SYNJ2: variants seen among roughly 807,000 people sequenced by gnomAD.
SYNJ2 encodes the protein synaptojanin 2, also known as polyphosphatidylinositol phosphatase SYNJ2.
Under a neutral mutation model 141.3 loss-of-function variants are expected in SYNJ2, and 116 were observed. The ratio of observed to expected loss-of-function variants is 0.82; its 90% confidence interval spans 0.71 to 0.96. The LOEUF is 0.96. Among genes scored for constraint, SYNJ2 ranks in the 40% least tolerant of loss-of-function variants. SYNJ2 has a pLI of 0.00. For synonymous variants in SYNJ2, 745 were observed against 777.7 expected, an observed-to-expected ratio of 0.96 and a Z score of 0.70; for missense variants, 1,873 against 1,934.8, an observed-to-expected ratio of 0.97 and a Z score of 0.60.
At chr6:158,031,622 G>A (rs55704958) in intron 3 of SYNJ2, among the ~76,000 whole-genome samples, 57,293 of 151,784 alleles carry the variant, frequency 0.38, 11,053 homozygotes, top group Middle Eastern at 0.49. Context: ...GGCGCAGCGT[G>A]AGGTCTGGAG....
intron 1 of SYNJ2, among the ~76,000 whole-genome samples, chr6:158,005,185 C>G (rs545653447): frequency 1.3e-5 from 2 of 151,686 alleles, no homozygotes; most frequent in African/African-American, 2.4e-5. Context: ...TCACGCCATT[C>G]TCCTGCCTCA....
chr6:158,029,186 G>T, intron 3 of SYNJ2, 160 bp downstream of exon 3: 1 of 951,438 alleles, frequency 1.1e-6, no homozygotes, highest in East Asian at 2.6e-5. Context: ...ACAATGAGAG[G>T]AAAACTAACC....
intron 14 of SYNJ2, among the ~76,000 whole-genome samples, chr6:158,069,910 G>C (rs1402687495): frequency 6.6e-6 from 1 of 152,210 alleles, no homozygotes; most frequent in Non-Finnish European, 1.5e-5. Flanking sequence ...CTCTTAGAAA[G>C]GGTGTTACAT....
At chr6:158,019,696 C>T (rs1480156331) in intron 2 of SYNJ2, among the ~76,000 whole-genome samples, 1 of 152,184 alleles carries the variant, frequency 6.6e-6, no homozygotes, top group African/African-American at 2.4e-5. Context: ...GCTTTGGGTG[C>T]CCCCAACCCC....
At chr6:158,055,527 G>GTGTGTGTGTGTGTGTA in intron 6 of SYNJ2, among the ~76,000 whole-genome samples, 1 of 152,064 alleles carries the variant, frequency 6.6e-6, no homozygotes, top group South Asian at 2.1e-4. Flanking sequence ...GTGTGTGTGT[G>GTGTGTGTGTGTGTGTA]TGTGTGTGTA....
intron 8 of SYNJ2, among the ~76,000 whole-genome samples, chr6:158,062,461 G>A (rs1781282291): frequency 6.6e-6 from 1 of 152,040 alleles, no homozygotes; most frequent in South Asian, 2.1e-4. Context: ...TGGTTTTCTG[G>A]CAAAAGAAAT....
intron 1 of SYNJ2, chr6:158,001,406 T>A (rs1777851452): frequency 6.7e-6 from 1 of 148,548 alleles, no homozygotes. Context: ...TTTTTTTTTT[T>A]TTTTTTTGAG....
intron 1 of SYNJ2, among the ~76,000 whole-genome samples, chr6:157,990,695 G>A (rs1231719630): frequency 2.0e-5 from 3 of 152,254 alleles, no homozygotes; most frequent in African/African-American, 7.2e-5. Flanking sequence ...GGGCTCCCGT[G>A]CAGTTTCTCA....
chr6:158,047,278 A>G (rs1192246105), intron 5 of SYNJ2, among the ~76,000 whole-genome samples: 2 of 152,200 alleles, frequency 1.3e-5, no homozygotes, highest in East Asian at 1.9e-4. Context: ...AAAGAACCAC[A>G]GTCACAGCCA....
intron 6 of SYNJ2, among the ~76,000 whole-genome samples, chr6:158,056,874 G>A (rs535618336): frequency 7.2e-5 from 11 of 152,240 alleles, no homozygotes; most frequent in Non-Finnish European, 1.0e-4. Context: ...TAGCCGAGGC[G>A]GTCTCTTGTC....
intron 1 of SYNJ2, among the ~76,000 whole-genome samples, chr6:157,991,387 C>T (rs189132811): frequency 1.3e-5 from 2 of 152,288 alleles, no homozygotes; most frequent in African/African-American, 2.4e-5. Context: ...GCCTTGAGAG[C>T]CTGCCGTTCT....
At chr6:158,073,897 C>CT (rs1474358703) in intron 15 of SYNJ2, among the ~76,000 whole-genome samples, 1 of 52,760 alleles carries the variant, frequency 1.9e-5, no homozygotes, top group Non-Finnish European at 4.2e-5. Flanking sequence ...TGTTTCTGAA[C>CT]TTTGTTTTTT....
At chr6:158,009,990 C>T (rs1047772332) in intron 1 of SYNJ2, among the ~76,000 whole-genome samples, 1 of 152,228 alleles carries the variant, frequency 6.6e-6, no homozygotes, top group African/African-American at 2.4e-5. Flanking sequence ...AATCACAGCT[C>T]ACTGCAGTCT....
chr6:158,029,118 C>A, intron 3 of SYNJ2, 92 bp downstream of exon 3: 1 of 1,512,680 alleles, frequency 6.6e-7, no homozygotes, highest in Non-Finnish European at 8.9e-7. Context: ...CCTCCACTTG[C>A]ACCACCCCCG....
chr6:158,070,245 G>C lies in SYNJ2; in HGVS notation c.1940+572G>C, dbSNP rs958355621. 3.0e-5 allele frequency: 30 copies of C among 985,300 alleles called. No individual in the cohort carries two copies. Among genetic ancestry groups the C allele is most frequent in the Middle Eastern group, 5.2e-4 (1 of 1,936 alleles). The allele number at this position is 985,300 out of a possible 1,614,324, so 61.0% of individuals were successfully genotyped here. A position where few individuals can be genotyped will look rare whatever the true frequency, so the allele number is the denominator to read the frequency against. The stretch of plus-strand genomic sequence containing the variant: ...GTGGTTGGCCTCATCTTACCACCTG[G>C]GCCTACCCATGGCTTTTGAATTTCC... On this transcript the variant is annotated intron_variant, in intron 14 of 26. Transcript: ENST00000355585. The surrounding 1 kb of genome is among the most constrained non-coding windows in gnomAD (Gnocchi z 4.0).
intron 1 of SYNJ2, among the ~76,000 whole-genome samples, chr6:158,000,312 A>T (rs1281780618): frequency 6.6e-6 from 1 of 152,086 alleles, no homozygotes; most frequent in South Asian, 2.1e-4. Flanking sequence ...GTCACAAACC[A>T]TATGTGCCTG....
rs752316903 is a variant in SYNJ2 at position 158,033,430 on chromosome 6, A to G, written c.486-25A>G. ...TATTGGAGGATGTCAAGTGACTGGA[A>G]TTGGTGTGGGACTGTGTTTTGCAGG... On this transcript the variant is annotated intron_variant, in intron 3 of 26. Transcript: ENST00000355585. The G allele has an allele frequency of 8.7e-6, 14 of 1,606,068 alleles. 1 individual carries two copies. The highest frequency in any genetic ancestry group is 3.4e-6 in the Non-Finnish European group (4 of 1,173,644).
chr6:158,089,724 T>A (rs1783308600), intron 24 of SYNJ2, 115 bp from the exon 25 acceptor site: 1 of 655,404 alleles, frequency 1.5e-6, no homozygotes, highest in African/African-American at 1.8e-5. Context: ...CTGGAGTTTG[T>A]ATGGTCAGCA....
At chr6:157,981,676 T>C (rs113638914), upstream of SYNJ2, among the ~76,000 whole-genome samples, 38,094 of 151,692 alleles carry the variant, frequency 0.25, 5,710 homozygotes, top group African/African-American at 0.41. This position sits in a 1 kb window ranked among gnomAD's most constrained non-coding sequence, Gnocchi z 6.4. Flanking sequence ...CACGCCCGCC[T>C]GCGGGGAGCC....
Sources: gnomAD v4.1 joint callset for allele counts (sites outside exome capture counted in the v4.1 genomes callset) on GRCh38, gnomAD v4.1.1 for gene constraint, Gnocchi (gnomAD v3.1) non-coding constraint, MANE v1.5 for transcripts, NCBI Gene and HGNC (gene_info 2026-07-23, HGNC 2026-07-21) for gene names.